The following SHB variants were observed in gnomAD, a reference collection of about 807,000 sequenced individuals.
The protein encoded by SHB is SH2 domain-containing adapter protein B.
In SHB, 20 loss-of-function variants were observed where a neutral mutation model predicts 52.3. The ratio of observed to expected loss-of-function variants is 0.38; its 90% CI spans 0.27 to 0.56. The LOEUF is 0.56. Ranked by LOEUF, SHB falls within the 20% of genes least tolerant of loss-of-function variation. The probability of loss-of-function intolerance (pLI) is 0.71; values close to 1 mark genes in which losing one functional copy is unlikely to be tolerated. For synonymous variants in SHB, 397 were observed against 316.5 expected, an observed-to-expected ratio of 1.25 and a Z score of -2.70; for missense variants, 825 against 723.3, an observed-to-expected ratio of 1.14 and a Z score of -1.61.
chr9:38,045,903 A>T (rs1821646209), intron 1 of SHB, among the ~76,000 whole-genome samples: 1 of 152,172 alleles, frequency 6.6e-6, no homozygotes, highest in Admixed American at 6.6e-5. Context: ...TATAAAACAC[A>T]GAGATTACAA....
At chr9:38,062,963 G>A (rs1029053124) in intron 1 of SHB, among the ~76,000 whole-genome samples, 8 of 152,208 alleles carry the variant, frequency 5.3e-5, no homozygotes, top group Non-Finnish European at 1.0e-4. Flanking sequence ...GATTTGTTAT[G>A]TAGCAACAGC....
At chr9:38,001,688 G>C (rs991180919) in intron 2 of SHB, among the ~76,000 whole-genome samples, 1 of 152,238 alleles carries the variant, frequency 6.6e-6, no homozygotes, top group African/African-American at 2.4e-5. Context: ...CAGCCTCTTA[G>C]AGTGGGAGGA....
intron 1 of SHB, among the ~76,000 whole-genome samples, chr9:38,031,175 G>A (rs1469549513): frequency 6.6e-6 from 1 of 152,084 alleles, no homozygotes; most frequent in Non-Finnish European, 1.5e-5. Flanking sequence ...ACAAAAATTA[G>A]CTGGGCGTGG....
chr9:37,943,574 T>C (rs7027014), intron 5 of SHB, among the ~76,000 whole-genome samples: 17,630 of 152,224 alleles, frequency 0.12, 1,030 homozygotes, highest in South Asian at 0.15. Flanking sequence ...GTAAGGACTG[T>C]ATGCAGCCAT....
chr9:38,049,946 T>A (rs1245646201), intron 1 of SHB, among the ~76,000 whole-genome samples: 2 of 152,116 alleles, frequency 1.3e-5, no homozygotes, highest in African/African-American at 4.8e-5. Context: ...ATTACAGGCA[T>A]GTGCCACCAC....
chr9:37,987,761 G>A (rs1037581458), intron 2 of SHB, among the ~76,000 whole-genome samples: 3 of 152,200 alleles, frequency 2.0e-5, no homozygotes, highest in Admixed American at 6.5e-5. Flanking sequence ...GAGGAAGAGA[G>A]TGGCCCACCA....
chr9:37,946,372 G>A (rs373310322), intron 5 of SHB, among the ~76,000 whole-genome samples: 4 of 152,358 alleles, frequency 2.6e-5, no homozygotes, highest in East Asian at 3.9e-4. Flanking sequence ...TGACATCTGG[G>A]CCTGCTTTTA....
rs1490888271 is a variant in SHB, at chr9:38,068,593, C to T, written c.53G>A (p.Ser18Asn). The T allele has an allele frequency of 8.7e-6, 13 of 1,494,180 alleles. No individual in the cohort carries two copies. Among genetic ancestry groups the T allele is most frequent in the South Asian group, 1.3e-5 (1 of 78,210 alleles). 92.6% of individuals were successfully genotyped at this position (1,494,180 alleles called of 1,614,324 possible). The change falls in exon 1 of 6, where the codon AGC becomes AAC. Residue 18 changes from serine to asparagine, a missense_variant. Physicochemically the swap from Ser to Asn is conservative, Grantham distance 46. Transcript: ENST00000377707. The stretch of plus-strand genomic sequence containing the variant: ...GTCTGGCCGCGGCGGCTGCGGGGGG[C>T]TCTTGGTCTTGCTGTTGCCCAAGCT... ...YFSLGNSKTK[S>N]PPQPPRPDYR...
intron 3 of SHB, among the ~76,000 whole-genome samples, chr9:37,964,331 A>C (rs7024819): frequency 0.011 from 1,737 of 152,296 alleles, 29 homozygotes; most frequent in African/African-American, 0.039. Flanking sequence ...CGCCGTACAC[A>C]CATGTCCAAA....
At chr9:37,963,101 G>A (rs867988099) in intron 3 of SHB, among the ~76,000 whole-genome samples, 20 of 152,290 alleles carry the variant, frequency 1.3e-4, no homozygotes, top group African/African-American at 4.1e-4. Context: ...GAGGTGCAGT[G>A]AGAGAAGAGC....
intron 1 of SHB, among the ~76,000 whole-genome samples, chr9:38,044,041 T>C (rs555651191): frequency 2.3e-4 from 35 of 152,382 alleles, no homozygotes; most frequent in Admixed American, 6.5e-4. Context: ...CATGCCCTGG[T>C]TCTGCCTGGC....
At position 37,974,544 on chromosome 9, in the gene SHB, C is replaced by T. The variant is rs1034964195; in HGVS notation, c.1054+78G>A. The T allele has an allele frequency of 4.8e-6, 6 of 1,259,506 alleles. No homozygotes were observed. The African/African-American group carries it at 9.1e-5, about 19-fold the overall frequency. The allele number at this position is 1,259,506 out of a possible 1,614,324, so 78.0% of individuals were successfully genotyped here. ...TTATTAAACAACCCTGGAGTTTGTC[C>T]TGAGCGCAGGTGGGGACCAAGGTGA... On this transcript the variant is annotated intron_variant, in intron 3 of 5. Transcript: ENST00000377707.
At chr9:37,957,021 A>C (rs747271747) in intron 3 of SHB, among the ~76,000 whole-genome samples, 2 of 152,150 alleles carry the variant, frequency 1.3e-5, no homozygotes, top group African/African-American at 2.4e-5. Flanking sequence ...TTCTTCTCCT[A>C]AGCCTGCCAA....
intron 1 of SHB, among the ~76,000 whole-genome samples, chr9:38,021,971 A>G (rs1449515939): frequency 6.6e-6 from 1 of 152,240 alleles, no homozygotes; most frequent in Non-Finnish European, 1.5e-5. Context: ...GTGAGGGGGC[A>G]GCACCCCACA....
intron 5 of SHB, among the ~76,000 whole-genome samples, chr9:37,931,531 C>T (rs1488612349): frequency 2.0e-5 from 3 of 152,222 alleles, no homozygotes; most frequent in Admixed American, 6.5e-5. Context: ...AAGTCAAAAC[C>T]ACTATGAGGT....
chr9:37,938,875 C>T (rs773589774), intron 5 of SHB, among the ~76,000 whole-genome samples: 5 of 152,200 alleles, frequency 3.3e-5, no homozygotes, highest in Non-Finnish European at 7.3e-5. Context: ...GCACCTCTTG[C>T]CTCTGCGTTT....
At chr9:38,041,526 T>C (rs962912426) in intron 1 of SHB, among the ~76,000 whole-genome samples, 1 of 151,766 alleles carries the variant, frequency 6.6e-6, no homozygotes, top group Non-Finnish European at 1.5e-5. Flanking sequence ...AGGGCATGCC[T>C]GCTTCAGAAA....
At chr9:37,986,975 C>A (rs181094366) in intron 2 of SHB, among the ~76,000 whole-genome samples, 3 of 152,354 alleles carry the variant, frequency 2.0e-5, no homozygotes, top group African/African-American at 7.2e-5. Flanking sequence ...TCCAGAGAGG[C>A]CTGGGGCCAC....
chr9:38,020,909 G>A (rs1821274135), intron 1 of SHB, among the ~76,000 whole-genome samples: 1 of 152,322 alleles, frequency 6.6e-6, no homozygotes, highest in Middle Eastern at 3.4e-3. Context: ...TCAGGCCAAG[G>A]CCAATTTACT....
Sources: allele counts gnomAD v4.1 joint callset (sites outside exome capture counted in the v4.1 genomes callset), GRCh38; gene constraint gnomAD v4.1.1; transcripts MANE v1.5; gene names NCBI Gene and HGNC (gene_info 2026-07-23, HGNC 2026-07-21).